The following AGBL4 variants were observed in gnomAD, a reference collection of about 807,000 sequenced individuals.
The protein encoded by AGBL4 is AGBL carboxypeptidase 4, also known as cytosolic carboxypeptidase 6.
In AGBL4, 58 loss-of-function variants were observed where a neutral mutation model predicts 66.4. The ratio of observed to expected loss-of-function variants is 0.87; its 90% CI spans 0.71 to 1.09. The LOEUF is 1.09. Ranked by LOEUF, AGBL4 falls within the 50% of genes least tolerant of loss-of-function variation. The pLI is 0.00. For synonymous variants in AGBL4, 234 were observed against 222.9 expected (o/e 1.05, Z -0.44); for missense variants, 579 against 631.0 (o/e 0.92, Z 0.88).
chr1:48,718,824 C>T (rs955398460), intron 6 of AGBL4, among the ~76,000 whole-genome samples: 7 of 152,158 alleles, frequency 4.6e-5, no homozygotes, highest in African/African-American at 1.7e-4. Context: ...CACAGGCTCC[C>T]ACAGGTGGAG....
chr1:49,053,353 T>G (rs1290935743), intron 4 of AGBL4, among the ~76,000 whole-genome samples: 2 of 152,298 alleles, frequency 1.3e-5, no homozygotes, highest in East Asian at 3.9e-4. Context: ...TGCTGTCTGA[T>G]AAAACTAAGT....
chr1:48,641,264 ATC>A (rs1337235624), intron 8 of AGBL4, among the ~76,000 whole-genome samples: 1 of 152,190 alleles, frequency 6.6e-6, no homozygotes, highest in Non-Finnish European at 1.5e-5. Flanking sequence ...ATGCCAGATA[ATC>A]TGTCATCAAC....
intron 3 of AGBL4, among the ~76,000 whole-genome samples, chr1:49,345,502 G>GA (rs908853230): frequency 6.0e-5 from 9 of 150,498 alleles, no homozygotes; most frequent in South Asian, 4.2e-4. Flanking sequence ...AAATAGAGAG[G>GA]AAAAAAAAAT....
At chr1:50,015,835 T>C (rs1439487921) in intron 1 of AGBL4, among the ~76,000 whole-genome samples, 1 of 151,796 alleles carries the variant, frequency 6.6e-6, no homozygotes, top group Non-Finnish European at 1.5e-5. Flanking sequence ...GAAGCAGAAA[T>C]AAAGCTGCAC....
chr1:49,561,440 A>C (rs2093750348), intron 3 of AGBL4, among the ~76,000 whole-genome samples: 1 of 151,750 alleles, frequency 6.6e-6, no homozygotes, highest in Admixed American at 6.6e-5. Flanking sequence ...TGTATCTCCT[A>C]ATGCTATCCG....
intron 3 of AGBL4, among the ~76,000 whole-genome samples, chr1:49,314,744 C>T (rs1378364464): frequency 6.6e-6 from 1 of 151,858 alleles, no homozygotes; most frequent in Non-Finnish European, 1.5e-5. Context: ...GGGTACATAC[C>T]CAGCAATGAG....
intron 1 of AGBL4, among the ~76,000 whole-genome samples, chr1:50,011,468 G>A (rs1451912965): frequency 3.3e-5 from 5 of 152,256 alleles, no homozygotes; most frequent in East Asian, 1.9e-4. Context: ...GTTGAGAAGC[G>A]TTTGGAGGTT....
chr1:49,444,721 T>C (rs538401125), intron 3 of AGBL4, among the ~76,000 whole-genome samples: 1 of 152,160 alleles, frequency 6.6e-6, no homozygotes, highest in East Asian at 1.9e-4. Context: ...GGTTTTATAA[T>C]CCATCCAGCA....
chr1:49,848,680 G>C (rs951286800), intron 2 of AGBL4, among the ~76,000 whole-genome samples: 44 of 152,162 alleles, frequency 2.9e-4, no homozygotes, highest in African/African-American at 1.0e-3. Flanking sequence ...CAGGGAATGA[G>C]AGATGAGAAA....
At chr1:48,924,378 T>C (rs1016628306) in intron 5 of AGBL4, among the ~76,000 whole-genome samples, 6 of 152,098 alleles carry the variant, frequency 3.9e-5, no homozygotes, top group South Asian at 2.1e-4. Flanking sequence ...ATGTTTTATG[T>C]GGGCCTGGAA....
chr1:49,028,608 A>G (rs1663932062), intron 5 of AGBL4, among the ~76,000 whole-genome samples: 1 of 152,160 alleles, frequency 6.6e-6, no homozygotes, highest in Non-Finnish European at 1.5e-5. Flanking sequence ...GGGAATTCCA[A>G]TAAGATTAAT....
At chr1:49,517,488 A>G (rs1051162276) in intron 3 of AGBL4, among the ~76,000 whole-genome samples, 2 of 151,994 alleles carry the variant, frequency 1.3e-5, no homozygotes, top group Non-Finnish European at 2.9e-5. Flanking sequence ...CAGTGACAGA[A>G]GAATGAGGGT....
chr1:48,716,268 G>C (rs1043204704), intron 6 of AGBL4, among the ~76,000 whole-genome samples: 1 of 152,124 alleles, frequency 6.6e-6, no homozygotes, highest in East Asian at 1.9e-4. Context: ...CGGTTGAGGA[G>C]GGGGAGATCT....
At chr1:49,416,323 A>G (rs1185025404) in intron 3 of AGBL4, among the ~76,000 whole-genome samples, 1 of 152,120 alleles carries the variant, frequency 6.6e-6, no homozygotes, top group East Asian at 1.9e-4. Flanking sequence ...GTATTACCAA[A>G]TGTTTGAATT....
At chr1:49,031,659 C>T (rs906697650) in intron 5 of AGBL4, among the ~76,000 whole-genome samples, 5 of 152,028 alleles carry the variant, frequency 3.3e-5, no homozygotes, top group Non-Finnish European at 5.9e-5. Flanking sequence ...AAAAGATACT[C>T]AACATCATTA....
chr1:48,912,832 C>T (rs1351964545), intron 5 of AGBL4, among the ~76,000 whole-genome samples: 1 of 152,092 alleles, frequency 6.6e-6, no homozygotes, highest in African/African-American at 2.4e-5. Context: ...ACAGCCTGAC[C>T]AGCCTATGAA....
chr1:49,556,536 A>AT, intron 3 of AGBL4, among the ~76,000 whole-genome samples: 1 of 150,736 alleles, frequency 6.6e-6, no homozygotes, highest in Non-Finnish European at 1.5e-5. Flanking sequence ...ATATATATAT[A>AT]AACAAATCTT....
chr1:48,725,307 T>C (rs1484301684), intron 6 of AGBL4, among the ~76,000 whole-genome samples: 3 of 152,208 alleles, frequency 2.0e-5, no homozygotes, highest in Admixed American at 1.3e-4. Flanking sequence ...ATCCCAGACC[T>C]ACCGAATCAG....
rs11205581 is a variant in AGBL4 at position 48,966,263 on chromosome 1, G to A, written c.594+79321C>T. The stretch of plus-strand genomic sequence containing the variant: ...TATGTCTCTGTTCAGGTAACGAGGC[G>A]TGATGCATTGAAAAAGGGGCCCAAG... On this transcript the variant is annotated intron_variant, in intron 5 of 13. Transcript: ENST00000371839. 2.5e-3 allele frequency among the ~76,000 whole-genome samples: 386 copies of A among 152,212 alleles called. 6 individuals carry two copies. Among genetic ancestry groups the A allele is most frequent in the African/African-American group, 8.1e-3 (337 of 41,558 alleles).
Sources: gnomAD v4.1 joint callset for allele counts (sites outside exome capture counted in the v4.1 genomes callset) on GRCh38, gnomAD v4.1.1 for gene constraint, MANE v1.5 for transcripts, NCBI Gene and HGNC (gene_info 2026-07-23, HGNC 2026-07-21) for gene names.